DISC1: variants seen among roughly 807,000 people sequenced by gnomAD.
The protein encoded by DISC1 is disrupted in schizophrenia 1 protein.
DISC1 carries 57 observed loss-of-function variants against 84.5 expected under a neutral mutation model. The ratio of observed to expected loss-of-function variants is 0.67; its 90% CI spans 0.55 to 0.84. The LOEUF (loss-of-function observed/expected upper bound fraction) is 0.84, where lower values mean the gene tolerates loss of function less well. Ranked by LOEUF, DISC1 falls within the 40% of genes least tolerant of loss-of-function variation. DISC1 has a pLI of 0.00. For missense variants in DISC1, 1,000 were observed against 1,057.8 expected (o/e 0.95, Z 0.76); for synonymous variants, 411 against 415.2 (o/e 0.99, Z 0.12).
At chr1:231,697,702 AG>A (rs1226966297) in intron 2 of DISC1, among the ~76,000 whole-genome samples, 1 of 147,370 alleles carries the variant, frequency 6.8e-6, no homozygotes, top group Non-Finnish European at 1.5e-5. Flanking sequence ...CTCCTGCCTC[AG>A]CCTCCAAGGT....
chr1:231,687,861 A>T (rs546204007), intron 1 of DISC1, among the ~76,000 whole-genome samples: 1 of 152,306 alleles, frequency 6.6e-6, no homozygotes, highest in South Asian at 2.1e-4. Flanking sequence ...CATGATGGTG[A>T]TGATTGTACA....
intron 9 of DISC1, among the ~76,000 whole-genome samples, chr1:231,874,139 C>T (rs548793135): frequency 6.6e-5 from 10 of 151,976 alleles, no homozygotes; most frequent in African/African-American, 1.7e-4. Context: ...TGTGAGCTAC[C>T]GTGTCTGGCC....
chr1:231,849,847 G>A (rs1240942326), intron 9 of DISC1, among the ~76,000 whole-genome samples: 1 of 152,160 alleles, frequency 6.6e-6, no homozygotes, highest in Non-Finnish European at 1.5e-5. Flanking sequence ...TTCTCCTATA[G>A]ACTGTAAGAT....
chr1:231,723,775 C>T, intron 3 of DISC1: 1 of 985,454 alleles, frequency 1.0e-6, no homozygotes, highest in African/African-American at 1.7e-5. Flanking sequence ...TGAGGAAAGG[C>T]AAGAACCGAT....
chr1:231,808,693 G>A (rs927156336), intron 8 of DISC1, among the ~76,000 whole-genome samples: 16 of 152,156 alleles, frequency 1.1e-4, no homozygotes, highest in Admixed American at 3.3e-4. Flanking sequence ...GGGGCTCCTC[G>A]CCTGGGAAAC....
chr1:231,814,021 A>G (rs200455155), intron 8 of DISC1, among the ~76,000 whole-genome samples: 8 of 152,292 alleles, frequency 5.3e-5, no homozygotes, highest in Admixed American at 3.9e-4. Context: ...TCTTTATCCA[A>G]TCATGGCATT....
intron 8 of DISC1, among the ~76,000 whole-genome samples, chr1:231,817,008 G>T (rs1210314757): frequency 2.7e-5 from 4 of 150,522 alleles, no homozygotes; most frequent in African/African-American, 9.8e-5. Context: ...TTGCTATGTT[G>T]CCCAGACAAG....
chr1:231,697,916 G>A (rs868741092), intron 2 of DISC1, among the ~76,000 whole-genome samples: 1 of 151,632 alleles, frequency 6.6e-6, no homozygotes. Flanking sequence ...TTACATTTTT[G>A]TGCTCTTTAT....
rs2063002941 is a variant in DISC1, at chr1:231,675,024, A to G, written c.68-18802A>G. On this transcript the variant is annotated intron_variant, in intron 1 of 12. Transcript: ENST00000439617. This position sits in a 1 kb window ranked among gnomAD's most constrained non-coding sequence, Gnocchi z 4.1. ...TATGATTGAAAATGTGCCCACAAGC[A>G]TAATCTCTGAATTGGTGGATTTAAA... is the stretch of plus-strand genomic sequence containing the variant. Among the ~76,000 whole-genome samples, 2 of 152,264 alleles carry G rather than the reference A, an allele frequency of 1.3e-5. No individual in the cohort carries two copies. Among genetic ancestry groups the G allele is most frequent in the East Asian group, 1.9e-4 (1 of 5,198 alleles).
At chr1:231,755,748 C>T (rs1029422742) in intron 4 of DISC1, among the ~76,000 whole-genome samples, 3 of 152,226 alleles carry the variant, frequency 2.0e-5, no homozygotes, top group Non-Finnish European at 2.9e-5. Context: ...TCTGGATCCT[C>T]CCTTTCCATC....
chr1:231,869,433 C>T lies in DISC1; in HGVS notation c.1981+50916C>T, dbSNP rs528201880. On this transcript the variant is annotated intron_variant, in intron 9 of 12. Transcript: ENST00000439617. ...TCCACTTAATGAATAGCGTCTTAGTCCATTTTGTGTTGCTATAATGGAATA... is the reference window on the plus strand; with the variant it reads ...TCCACTTAATGAATAGCGTCTTAGTTCATTTTGTGTTGCTATAATGGAATA... Among the ~76,000 whole-genome samples the T allele has an allele frequency of 3.3e-5, 5 of 152,172 alleles. No homozygotes were observed. The South Asian group carries it at 8.3e-4, about 25-fold the overall frequency.
intron 1 of DISC1, among the ~76,000 whole-genome samples, chr1:231,632,182 T>C (rs565115090): frequency 6.6e-6 from 1 of 152,346 alleles, no homozygotes; most frequent in South Asian, 2.1e-4. Context: ...TCTAGGTTTT[T>C]GTGAGTACAC....
At chr1:231,827,922 AG>A (rs2081971086) in intron 9 of DISC1, among the ~76,000 whole-genome samples, 1 of 152,210 alleles carries the variant, frequency 6.6e-6, no homozygotes, top group Non-Finnish European at 1.5e-5. Context: ...TTTATGAGGC[AG>A]GTATGCTCAT....
At chr1:231,896,401 C>CAGCT (rs2087694003) in intron 9 of DISC1, among the ~76,000 whole-genome samples, 1 of 152,224 alleles carries the variant, frequency 6.6e-6, no homozygotes, top group Non-Finnish European at 1.5e-5. Context: ...CTTCTACTGA[C>CAGCT]AGCTACTCCT....
chr1:231,761,988 AC>A (rs964224774), intron 4 of DISC1, among the ~76,000 whole-genome samples: 1 of 152,180 alleles, frequency 6.6e-6, no homozygotes, highest in Non-Finnish European at 1.5e-5. Flanking sequence ...TTTCGTTCCC[AC>A]CGACATCAGT....
intron 4 of DISC1, 111 bp downstream of exon 4, chr1:231,750,187 TC>T: frequency 2.0e-6 from 3 of 1,479,208 alleles, no homozygotes; most frequent in Non-Finnish European, 2.7e-6. Context: ...TGGCTGCCTT[TC>T]CTGGGAAGGG....
At position 231,702,169 on chromosome 1, in the gene DISC1, A is replaced by G; in HGVS notation, c.1117+145A>G. Reference sequence around the variant, plus strand: ...CTACCAGGGAATAGTTGACTCTTTTACAGCATTATTGTTTTGTAGATTTCA... The same window carrying G: ...CTACCAGGGAATAGTTGACTCTTTTGCAGCATTATTGTTTTGTAGATTTCA... On this transcript the variant is annotated intron_variant, in intron 3 of 12. Coordinates refer to ENST00000439617, the MANE Select transcript of DISC1 (RefSeq NM_018662.3). 5 of 1,423,476 alleles carry G rather than the reference A, an allele frequency of 3.5e-6. No individual in the cohort carries two copies. The South Asian group carries it at 6.0e-5, about 17-fold the overall frequency. 88.2% of individuals were successfully genotyped at this position (1,423,476 alleles called of 1,614,324 possible). A position where few individuals can be genotyped will look rare whatever the true frequency, so the allele number is the denominator to read the frequency against.
At chr1:231,656,655 T>C (rs1035390470) in intron 1 of DISC1, among the ~76,000 whole-genome samples, 1 of 152,196 alleles carries the variant, frequency 6.6e-6, no homozygotes, top group Non-Finnish European at 1.5e-5. Flanking sequence ...CATGGGTACA[T>C]GTGGAGGATG....
At chr1:231,782,246 A>T (rs1245749619) in intron 6 of DISC1, among the ~76,000 whole-genome samples, 1 of 152,052 alleles carries the variant, frequency 6.6e-6, no homozygotes, top group African/African-American at 2.4e-5. Flanking sequence ...AGTCAACTGG[A>T]TTTTTTTCCT....
Sources: allele counts gnomAD v4.1 joint callset (sites outside exome capture counted in the v4.1 genomes callset), GRCh38; gene constraint gnomAD v4.1.1; non-coding constraint Gnocchi (gnomAD v3.1); transcripts MANE v1.5; gene names NCBI Gene and HGNC (gene_info 2026-07-23, HGNC 2026-07-21).